TPCN2: variants seen among roughly 807,000 people sequenced by gnomAD.
TPCN2 encodes two pore segment channel 2, also known as two pore channel protein 2.
A neutral mutation model predicts 111.4 loss-of-function variants in TPCN2; 92 were observed. That is an observed-to-expected ratio of 0.83 (90% CI 0.70 to 0.98). The LOEUF is 0.98. Ranked by LOEUF, TPCN2 falls within the 50% of genes least tolerant of loss-of-function variation. TPCN2 has a pLI of 0.00. For synonymous variants in TPCN2, 405 were observed against 414.5 expected (o/e 0.98, Z 0.28); for missense variants, 995 against 980.1 (o/e 1.02, Z -0.20).
rs758194205 is a variant in TPCN2 at position 69,062,909 on chromosome 11, G to GTCC, written c.573_575dup (p.Pro192dup). The GTCC allele has an allele frequency of 6.2e-7, 1 of 1,613,832 alleles. No individual in the cohort carries two copies. The highest frequency in any genetic ancestry group is 8.5e-7 in the Non-Finnish European group (1 of 1,179,912). Reference sequence around the variant, plus strand: ...CCCCTGCGGATCCGCCGGCTTCTCCGTCCCTTCTTCCTGCTGCAGAACTCC... The same window carrying GTCC: ...CCCCTGCGGATCCGCCGGCTTCTCCGTCCTCCCTTCTTCCTGCTGCAGAACTCC... On this transcript the variant is annotated inframe_insertion, in exon 6 of 25. Coordinates refer to ENST00000294309, the MANE Select transcript of TPCN2 (RefSeq NM_139075.4).
intron 2 of TPCN2, chr11:69,054,412 C>T (rs573469856): frequency 3.4e-5 from 19 of 564,072 alleles, no homozygotes; most frequent in African/African-American, 9.4e-5. Context: ...GTCAGCCTTG[C>T]ACAGAGAAGA....
At chr11:69,054,931 A>G (rs1854688385) in intron 3 of TPCN2, 134 bp downstream of exon 3, 14 of 945,334 alleles carry the variant, frequency 1.5e-5, no homozygotes, top group Non-Finnish European at 2.3e-5. Flanking sequence ...GGTTACCATC[A>G]TCCTCTCTGG....
intron 17 of TPCN2, among the ~76,000 whole-genome samples, chr11:69,081,018 G>A (rs2134626756): frequency 6.6e-6 from 1 of 152,238 alleles, no homozygotes; most frequent in East Asian, 1.9e-4. Context: ...GGAGACCGGG[G>A]CAGGAGACAT....
chr11:69,054,950 C>T (rs192021517), intron 3 of TPCN2, among the ~76,000 whole-genome samples, 153 bp downstream of exon 3: 56 of 152,302 alleles, frequency 3.7e-4, no homozygotes, highest in African/African-American at 1.3e-3. Flanking sequence ...GGAAAGGAGA[C>T]GGCCTGTGAT....
chr11:69,079,350 G>T (rs895793394), intron 16 of TPCN2: 1 of 367,648 alleles, frequency 2.7e-6, no homozygotes, highest in South Asian at 4.5e-5. Flanking sequence ...ACTGATAGAC[G>T]GTGTGACCTC....
At chr11:69,079,617 G>A (rs1240055381) in intron 16 of TPCN2, 2 of 550,434 alleles carry the variant, frequency 3.6e-6, no homozygotes, top group Non-Finnish European at 6.4e-6. Context: ...ACCCCAATCT[G>A]TGCAGTCCCC....
At chr11:69,070,582 A>C in intron 9 of TPCN2, 87 bp downstream of exon 9, 2 of 1,013,488 alleles carry the variant, frequency 2.0e-6, no homozygotes, top group Non-Finnish European at 2.9e-6. Context: ...ACGACCTGAA[A>C]CTTCACATCC....
chr11:69,070,612 T>C, intron 9 of TPCN2, 117 bp downstream of exon 9: 2 of 771,730 alleles, frequency 2.6e-6, no homozygotes, highest in Non-Finnish European at 4.2e-6. Context: ...ACTCCAGAGA[T>C]CACCCCAGGG....
At chr11:69,056,332 AT>A (rs1479446232) in intron 4 of TPCN2, among the ~76,000 whole-genome samples, 1 of 152,118 alleles carries the variant, frequency 6.6e-6, no homozygotes, top group Non-Finnish European at 1.5e-5. Context: ...GGTGTGTGTG[AT>A]TGCAGGCCCC....
intron 8 of TPCN2, among the ~76,000 whole-genome samples, chr11:69,069,444 A>G (rs1343238425): frequency 4.3e-5 from 1 of 23,320 alleles, no homozygotes; most frequent in Non-Finnish European, 1.4e-4. Context: ...TGGGAGCAGG[A>G]CCGTCTGAGT....
intron 19 of TPCN2, among the ~76,000 whole-genome samples, chr11:69,084,430 G>T (rs1312867743): frequency 6.6e-6 from 1 of 152,246 alleles, no homozygotes; most frequent in Non-Finnish European, 1.5e-5. Flanking sequence ...CTTTCTTAGA[G>T]GAATTTCAGG....
intron 7 of TPCN2, among the ~76,000 whole-genome samples, chr11:69,067,044 C>T (rs1419055739): frequency 6.6e-6 from 1 of 152,280 alleles, no homozygotes; most frequent in South Asian, 2.1e-4. Context: ...TGGCTATGGG[C>T]GGCCGTGGGC....
rs190680544 is a variant in TPCN2 at position 69,088,345 on chromosome 11, G to A, written c.*392G>A. On this transcript the variant is annotated 3_prime_UTR_variant, in exon 25 of 25. Coordinates refer to ENST00000294309, the MANE Select transcript of TPCN2 (RefSeq NM_139075.4). ...TGACCAGGGCCTGCACAGGTTAACC[G>A]TCAGACTTCCGGGGCATTCAGGTGG... 2.0e-3 allele frequency: 371 copies of A among 187,450 alleles called. No homozygotes were observed. The highest frequency in any genetic ancestry group is 3.1e-3 in the Non-Finnish European group (278 of 89,988). The allele number at this position is 187,450 out of a possible 1,614,324, so 11.6% of individuals were successfully genotyped here.
chr11:69,067,542 C>T lies in TPCN2; in HGVS notation c.766C>T (p.Gln256Ter). Residue 256 changes from glutamine (Q) to a stop codon, truncating the protein, a stop_gained, in exon 8 of 25, where the codon CAG becomes TAG. Coordinates refer to ENST00000294309, the MANE Select transcript of TPCN2 (RefSeq NM_139075.4). LOFTEE classifies it high-confidence loss of function. ...GGACAGGGAGAGGCTGACCTACTTC[C>T]AGAACCTGCCTGAGTCTCTGACTTC... ...GQDRERLTYF[Q>*]NLPESLTSLL... is the part of the protein sequence containing the mutation. 6.2e-7 allele frequency: 1 copy of T among 1,614,032 alleles called. No homozygotes were observed. The highest frequency in any genetic ancestry group is 1.1e-5 in the South Asian group (1 of 91,090).
chr11:69,083,968 C>T lies in TPCN2; in HGVS notation c.1713C>T (p.Thr571=), dbSNP rs776747981. ...AGCTGATGGCCGTGGTGGCCAGTAC[C>T]GTCCTGGGCCTGGTGCAGAACATGC... The part of the protein sequence containing the change: ...SMKLMAVVAS[T]VLGLVQNMRA... Residue 571 remains threonine, a synonymous_variant, in exon 19 of 25, where the codon ACC becomes ACT. Coordinates refer to ENST00000294309, the MANE Select transcript of TPCN2 (RefSeq NM_139075.4). The T allele has an allele frequency of 6.2e-6, 10 of 1,614,114 alleles. No individual in the cohort carries two copies. Among genetic ancestry groups the T allele is most frequent in the Admixed American group, 1.7e-5 (1 of 60,024 alleles).
intron 13 of TPCN2, among the ~76,000 whole-genome samples, chr11:69,075,366 A>G (rs1325880783): frequency 6.6e-6 from 1 of 152,198 alleles, no homozygotes; most frequent in Admixed American, 6.5e-5. Flanking sequence ...CATGTAACCT[A>G]CACACATCCT....
chr11:69,084,688 T>C (rs1856197901), intron 19 of TPCN2: 1 of 985,400 alleles, frequency 1.0e-6, no homozygotes, highest in African/African-American at 1.7e-5. Context: ...TAGGGACCAC[T>C]GGGGTGAGAA....
chr11:69,052,310 C>T (rs1006980100), intron 1 of TPCN2, among the ~76,000 whole-genome samples: 1 of 152,104 alleles, frequency 6.6e-6, no homozygotes, highest in African/African-American at 2.4e-5. Context: ...GATCACCGGC[C>T]CCCCAGGCTC....
chr11:69,053,778 G>T (rs1405927781), intron 1 of TPCN2, among the ~76,000 whole-genome samples: 1 of 152,216 alleles, frequency 6.6e-6, no homozygotes, highest in Non-Finnish European at 1.5e-5. Flanking sequence ...GCTTCCCACA[G>T]GCTTGCTAGT....
Sources: gnomAD v4.1 joint callset for allele counts (sites outside exome capture counted in the v4.1 genomes callset) on GRCh38, gnomAD v4.1.1 for gene constraint, MANE v1.5 for transcripts, NCBI Gene and HGNC (gene_info 2026-07-23, HGNC 2026-07-21) for gene names.